The following SLIT2 variants were observed in gnomAD, a reference collection of about 807,000 sequenced individuals.
SLIT2 encodes slit guidance ligand 2, also known as slit homolog 2 protein.
A neutral mutation model predicts 185.7 loss-of-function variants in SLIT2; 41 were observed. The observed-to-expected ratio is 0.22, with a 90% CI of 0.17 to 0.29. SLIT2 has a LOEUF of 0.29. SLIT2 is among the 10% of genes least tolerant of loss of function. SLIT2 has a pLI of 1.00. For synonymous variants in SLIT2, 693 were observed against 680.2 expected (o/e 1.02, Z -0.29); for missense variants, 1,571 against 1,909.0 (o/e 0.82, Z 3.30).
chr4:20,368,325 TATA>T (rs1341584452), intron 4 of SLIT2, among the ~76,000 whole-genome samples: 2 of 148,000 alleles, frequency 1.4e-5, no homozygotes, highest in Non-Finnish European at 3.0e-5. Flanking sequence ...AACAAGAAAG[TATA>T]ATAATAATAA....
At chr4:20,311,004 C>T (rs1478630523) in intron 4 of SLIT2, among the ~76,000 whole-genome samples, 1 of 152,202 alleles carries the variant, frequency 6.6e-6, no homozygotes, top group Non-Finnish European at 1.5e-5. Context: ...CCTGCCTCAG[C>T]CTTCCTAGTA....
At position 20,477,351 on chromosome 4, in the gene SLIT2, G is replaced by A. The variant is rs140866747; in HGVS notation, c.468-3365G>A. Among the ~76,000 whole-genome samples, 370 of 151,908 alleles carry A rather than the reference G, an allele frequency of 2.4e-3. 2 individuals carry two copies. The highest frequency in any genetic ancestry group is 8.7e-3 in the African/African-American group (359 of 41,418). ...GTAGCTGGGATTACAGGTGCCCACC[G>A]CCACGCCTGGCTAATTTTTGTATTT... On this transcript the variant is annotated intron_variant, in intron 5 of 36. Transcript: ENST00000504154.
At chr4:20,282,081 G>A (rs1344144693) in intron 4 of SLIT2, among the ~76,000 whole-genome samples, 1 of 152,118 alleles carries the variant, frequency 6.6e-6, no homozygotes, top group Non-Finnish European at 1.5e-5. Flanking sequence ...AAAATCAGAT[G>A]AAGAACTTCA....
chr4:20,443,013 A>C (rs1729893349), intron 4 of SLIT2, among the ~76,000 whole-genome samples: 1 of 152,204 alleles, frequency 6.6e-6, no homozygotes, highest in Non-Finnish European at 1.5e-5. Flanking sequence ...AAGTCACATG[A>C]ATACAAATCT....
rs749521304 is a variant in SLIT2, at chr4:20,569,138, G to A, written c.3088+134G>A. ...AGGTGTCTTGAAAATCAGATGTAAT[G>A]TAAATAACATAAGGACTTAAAGATA... On this transcript the variant is annotated intron_variant, in intron 29 of 36. Transcript: ENST00000504154. 9.1e-6 allele frequency: 7 copies of A among 765,934 alleles called. No individual in the cohort carries two copies. The Middle Eastern group carries it at 1.1e-3, about 117-fold the overall frequency. The allele number at this position is 765,934 out of a possible 1,614,324, so 47.4% of individuals were successfully genotyped here.
chr4:20,589,253 G>A (rs1484843112), intron 29 of SLIT2, among the ~76,000 whole-genome samples: 1 of 151,938 alleles, frequency 6.6e-6, no homozygotes, highest in Non-Finnish European at 1.5e-5. Context: ...GACCTGAGTG[G>A]GTTCAGTTTG....
chr4:20,490,606 G>C (rs1455537497), intron 8 of SLIT2, among the ~76,000 whole-genome samples: 1 of 152,090 alleles, frequency 6.6e-6, no homozygotes, highest in Non-Finnish European at 1.5e-5. Context: ...AGTACTTGAT[G>C]CTATTAAATG....
At chr4:20,410,369 C>T (rs936171092) in intron 4 of SLIT2, among the ~76,000 whole-genome samples, 2 of 150,660 alleles carry the variant, frequency 1.3e-5, no homozygotes, top group African/African-American at 4.9e-5. Context: ...CTGCCTCAGC[C>T]TCCCAAGTAG....
intron 4 of SLIT2, among the ~76,000 whole-genome samples, chr4:20,327,559 G>A (rs1468652024): frequency 6.6e-6 from 1 of 151,944 alleles, no homozygotes; most frequent in Non-Finnish European, 1.5e-5. Context: ...AGCATTATTT[G>A]TAATTAGTGG....
intron 12 of SLIT2, among the ~76,000 whole-genome samples, chr4:20,521,257 A>C (rs186181324): frequency 6.6e-6 from 1 of 152,202 alleles, no homozygotes; most frequent in African/African-American, 2.4e-5. Context: ...ATAAAGTTTC[A>C]TTTCTACACT....
chr4:20,413,195 A>G (rs1211543694), intron 4 of SLIT2, among the ~76,000 whole-genome samples: 2 of 151,998 alleles, frequency 1.3e-5, no homozygotes, highest in African/African-American at 2.4e-5. Flanking sequence ...ACCTTAAAGT[A>G]TTACATAATT....
intron 12 of SLIT2, among the ~76,000 whole-genome samples, chr4:20,522,809 A>G (rs1395167726): frequency 2.6e-5 from 4 of 152,178 alleles, no homozygotes; most frequent in Non-Finnish European, 5.9e-5. Flanking sequence ...TCATTCAACA[A>G]CTGATATTTA....
chr4:20,408,375 T>C (rs1385622044), intron 4 of SLIT2, among the ~76,000 whole-genome samples: 1 of 152,152 alleles, frequency 6.6e-6, no homozygotes, highest in Non-Finnish European at 1.5e-5. Flanking sequence ...TTCTCAGACC[T>C]TGACCTTCCA....
intron 16 of SLIT2, 131 bp from the exon 17 acceptor site, chr4:20,531,853 C>T: frequency 1.9e-6 from 1 of 539,970 alleles, no homozygotes; most frequent in Non-Finnish European, 3.3e-6. Flanking sequence ...CACAAATCTT[C>T]TGTGATTTAT....
At chr4:20,401,964 G>A (rs1331650115) in intron 4 of SLIT2, among the ~76,000 whole-genome samples, 2 of 151,810 alleles carry the variant, frequency 1.3e-5, no homozygotes, top group East Asian at 3.9e-4. Context: ...TTTATTTAAA[G>A]TATTTTGTTT....
chr4:20,260,070 A>G (rs971050071), intron 3 of SLIT2, among the ~76,000 whole-genome samples: 6 of 151,864 alleles, frequency 4.0e-5, no homozygotes, highest in Admixed American at 3.3e-4. Context: ...TAAGGAATGC[A>G]TTCAAGTTAT....
intron 4 of SLIT2, chr4:20,394,646 A>C (rs1465318393): frequency 6.6e-6 from 1 of 152,064 alleles, no homozygotes; most frequent in Non-Finnish European, 1.5e-5. Context: ...TCAGGATTGA[A>C]TCAATTGGAA....
chr4:20,554,444 A>G (rs1266400940), intron 26 of SLIT2: 5 of 390,372 alleles, frequency 1.3e-5, no homozygotes, highest in Admixed American at 1.1e-4. Flanking sequence ...GCTTGTTTGT[A>G]TCCCTTTCTT....
chr4:20,508,028 A>G (rs1163070338), intron 9 of SLIT2, among the ~76,000 whole-genome samples: 1 of 152,082 alleles, frequency 6.6e-6, no homozygotes, highest in African/African-American at 2.4e-5. Flanking sequence ...TAATCAATAA[A>G]GTAACAGGCA....
Sources: gnomAD v4.1 joint callset for allele counts (sites outside exome capture counted in the v4.1 genomes callset) on GRCh38, gnomAD v4.1.1 for gene constraint, MANE v1.5 for transcripts, NCBI Gene and HGNC (gene_info 2026-07-23, HGNC 2026-07-21) for gene names.